Variants in SCML4 observed in about 807,000 individuals in gnomAD.
SCML4 encodes the protein sex comb on midleg-like protein 4.
In SCML4, 34 loss-of-function variants were observed where a neutral mutation model predicts 41.1. The ratio of observed to expected loss-of-function variants is 0.83; its 90% CI spans 0.63 to 1.10. SCML4 has a LOEUF of 1.10. SCML4 is among the 50% of genes least tolerant of loss of function. The pLI is 0.00. For synonymous variants in SCML4, 214 were observed against 220.9 expected (o/e 0.97, Z 0.28); for missense variants, 522 against 534.1 (o/e 0.98, Z 0.22).
rs749158523 is a variant in SCML4 at position 107,720,897 on chromosome 6, G to A, written c.779C>T (p.Ser260Phe). The change falls in exon 6 of 8, where the codon TCC becomes TTC. Residue 260 changes from serine to phenylalanine, a missense_variant. Transcript: ENST00000369020. ...TSASTFNHRG[S>F]LHPSSSLYCK... ...GTACAGCGAGGAGGAGGGGTGCAAG[G>A]AGCCCCTGTGGTTAAAGGTGGAGGC... is the stretch of plus-strand genomic sequence containing the variant. 5.0e-6 allele frequency: 8 copies of A among 1,614,066 alleles called. No individual in the cohort carries two copies. The highest frequency in any genetic ancestry group is 6.8e-6 in the Non-Finnish European group (8 of 1,180,040).
intron 2 of SCML4, 54 bp from the exon 3 acceptor site, chr6:107,749,867 C>A: frequency 1.3e-6 from 2 of 1,585,222 alleles, no homozygotes; most frequent in African/African-American, 1.3e-5. Flanking sequence ...TCTCTACACT[C>A]TTCCAGATTC....
At chr6:107,785,838 A>G (rs1781847815) in intron 1 of SCML4, among the ~76,000 whole-genome samples, 1 of 152,186 alleles carries the variant, frequency 6.6e-6, no homozygotes. Flanking sequence ...GAGAGGTCCT[A>G]CGAGGCTGAG....
chr6:107,800,623 G>A (rs1403687404), intron 1 of SCML4, among the ~76,000 whole-genome samples: 2 of 152,124 alleles, frequency 1.3e-5, no homozygotes, highest in East Asian at 3.8e-4. Context: ...TGTTTTTTGT[G>A]TATGTGTTTT....
chr6:107,823,478 A>C (rs1489073588), intron 1 of SCML4, among the ~76,000 whole-genome samples: 1 of 152,210 alleles, frequency 6.6e-6, no homozygotes, highest in Non-Finnish European at 1.5e-5. Flanking sequence ...AACTGCCGCT[A>C]ATACTCCATA....
intron 5 of SCML4, among the ~76,000 whole-genome samples, chr6:107,739,001 A>G (rs1342297388): frequency 1.3e-5 from 2 of 152,158 alleles, no homozygotes; most frequent in African/African-American, 4.8e-5. Context: ...TGGCTTTGAC[A>G]TTTCAAAGCT....
chr6:107,823,396 G>A (rs1785089079), intron 1 of SCML4, among the ~76,000 whole-genome samples: 1 of 152,168 alleles, frequency 6.6e-6, no homozygotes, highest in Admixed American at 6.5e-5. Flanking sequence ...CTCATGCTTT[G>A]GGAGGAGCAC....
chr6:107,712,609 T>C (rs1049920345), intron 6 of SCML4, among the ~76,000 whole-genome samples: 10 of 152,096 alleles, frequency 6.6e-5, no homozygotes, highest in African/African-American at 2.2e-4. Flanking sequence ...TAGGGGGCCT[T>C]TTAGTCATAC....
intron 2 of SCML4, among the ~76,000 whole-genome samples, chr6:107,758,333 T>C (rs1054572551): frequency 6.6e-6 from 1 of 152,310 alleles, no homozygotes; most frequent in East Asian, 1.9e-4. Flanking sequence ...GCTTGGCTTC[T>C]TCAAGAAACC....
At chr6:107,730,106 T>G (rs1248544014) in intron 5 of SCML4, among the ~76,000 whole-genome samples, 1 of 152,146 alleles carries the variant, frequency 6.6e-6, no homozygotes, top group Non-Finnish European at 1.5e-5. Context: ...ACTAGGAGCT[T>G]AAGAATTTAA....
chr6:107,777,894 C>T (rs1781082795), intron 1 of SCML4, among the ~76,000 whole-genome samples: 1 of 151,944 alleles, frequency 6.6e-6, no homozygotes, highest in Admixed American at 6.6e-5. Context: ...ATATTCTACC[C>T]ATAGACACAT....
chr6:107,728,532 C>T (rs1406922938), intron 5 of SCML4, among the ~76,000 whole-genome samples: 1 of 152,074 alleles, frequency 6.6e-6, no homozygotes, highest in East Asian at 1.9e-4. Context: ...TTGCTTGAAC[C>T]CAGGAGGTGG....
intron 5 of SCML4, among the ~76,000 whole-genome samples, chr6:107,739,787 GA>G (rs1438707986): frequency 6.6e-6 from 1 of 152,174 alleles, no homozygotes; most frequent in Non-Finnish European, 1.5e-5. Flanking sequence ...TTGACAAGGC[GA>G]TCTTAAAGAG....
upstream of SCML4, among the ~76,000 whole-genome samples, chr6:107,826,454 C>T (rs1306799852): frequency 6.6e-6 from 1 of 152,054 alleles, no homozygotes; most frequent in Non-Finnish European, 1.5e-5. Context: ...CTGGAATGGG[C>T]TGAGACATTA....
chr6:107,714,483 C>T (rs189174016), intron 6 of SCML4, among the ~76,000 whole-genome samples: 1 of 152,332 alleles, frequency 6.6e-6, no homozygotes, highest in African/African-American at 2.4e-5. Flanking sequence ...AGCATCCACA[C>T]TTCTCCCTGA....
intron 1 of SCML4, among the ~76,000 whole-genome samples, chr6:107,778,403 T>A (rs954755732): frequency 2.6e-5 from 4 of 151,460 alleles, no homozygotes; most frequent in African/African-American, 9.7e-5. Context: ...AGTGCTTTAG[T>A]AGTCATTAAA....
chr6:107,764,592 T>G (rs1779880293), intron 2 of SCML4, among the ~76,000 whole-genome samples: 2 of 151,860 alleles, frequency 1.3e-5, no homozygotes, highest in Admixed American at 6.6e-5. Context: ...TGGTTTCATT[T>G]CCTCCTCACC....
At chr6:107,809,179 C>T (rs546678468) in intron 1 of SCML4, among the ~76,000 whole-genome samples, 3 of 152,322 alleles carry the variant, frequency 2.0e-5, no homozygotes, top group African/African-American at 7.2e-5. Flanking sequence ...CTAGAGGATG[C>T]AGCAACAAGG....
chr6:107,785,857 G>A (rs1424309271), intron 1 of SCML4, among the ~76,000 whole-genome samples: 1 of 152,158 alleles, frequency 6.6e-6, no homozygotes, highest in Non-Finnish European at 1.5e-5. Flanking sequence ...AGGTTTTCCA[G>A]GGCCACAAAA....
intron 2 of SCML4, among the ~76,000 whole-genome samples, chr6:107,761,873 T>G (rs891065883): frequency 6.6e-6 from 1 of 151,924 alleles, no homozygotes; most frequent in African/African-American, 2.4e-5. Context: ...TGAGAGTTTA[T>G]CACTACAGGG....
Sources: gnomAD v4.1 joint callset for allele counts (sites outside exome capture counted in the v4.1 genomes callset) on GRCh38, gnomAD v4.1.1 for gene constraint, MANE v1.5 for transcripts, NCBI Gene and HGNC (gene_info 2026-07-23, HGNC 2026-07-21) for gene names.